Variants in TPD52 observed in about 807,000 individuals in gnomAD.
The protein encoded by TPD52 is prostate and colon associated protein.
In TPD52, 17 loss-of-function variants were observed where a neutral mutation model predicts 31.3. That is an observed-to-expected ratio of 0.54 (90% CI 0.37 to 0.82). TPD52 has a LOEUF of 0.82. Ranked by LOEUF, TPD52 falls within the 40% of genes least tolerant of loss-of-function variation. The pLI, the probability that TPD52 is intolerant of heterozygous loss-of-function variation, is 0.00. For synonymous variants in TPD52, 83 were observed against 89.6 expected, an observed-to-expected ratio of 0.93 and a Z score of 0.42; for missense variants, 212 against 240.1, an observed-to-expected ratio of 0.88 and a Z score of 0.77.
chr8:80,079,336 T>A (rs986792658), intron 1 of TPD52, among the ~76,000 whole-genome samples: 6 of 152,162 alleles, frequency 3.9e-5, no homozygotes, highest in Admixed American at 3.9e-4. Context: ...TTCTCTGTTA[T>A]ATTCAACATT....
chr8:80,168,562 A>C (rs993243468), intron 1 of TPD52, among the ~76,000 whole-genome samples: 3 of 152,234 alleles, frequency 2.0e-5, no homozygotes, highest in African/African-American at 7.2e-5. Flanking sequence ...ACCTTATTTC[A>C]GCCAACACAG....
At chr8:80,044,250 T>G in intron 5 of TPD52, 42 bp from the exon 6 acceptor site, 1 of 1,463,142 alleles carries the variant, frequency 6.8e-7, no homozygotes, top group African/African-American at 1.5e-5. Context: ...AAGGTTAGTA[T>G]AGTGGTGCTT....
intron 1 of TPD52, among the ~76,000 whole-genome samples, chr8:80,125,033 TC>T (rs1383390929): frequency 2.0e-5 from 3 of 152,212 alleles, no homozygotes; most frequent in African/African-American, 4.8e-5. Context: ...TTTTAAAGCT[TC>T]CCTGATGATT....
chr8:80,052,823 G>A (rs763024069), intron 3 of TPD52: 37 of 283,716 alleles, frequency 1.3e-4, no homozygotes, highest in Admixed American at 2.7e-4. Flanking sequence ...ACACAACAAG[G>A]TTAAAAAAAT....
chr8:80,033,723 A>C (rs1311778151), downstream of TPD52, among the ~76,000 whole-genome samples: 3 of 152,110 alleles, frequency 2.0e-5, no homozygotes, highest in African/African-American at 7.2e-5. Flanking sequence ...AGCGTTATTG[A>C]ATGACAGAAC....
intron 1 of TPD52, among the ~76,000 whole-genome samples, chr8:80,121,449 G>A (rs1808251591): frequency 6.6e-6 from 1 of 152,146 alleles, no homozygotes. Context: ...TTTATAACGA[G>A]CTCTCAGAGA....
At chr8:80,146,845 C>A (rs1810231010) in intron 1 of TPD52, among the ~76,000 whole-genome samples, 1 of 152,208 alleles carries the variant, frequency 6.6e-6, no homozygotes, top group Non-Finnish European at 1.5e-5. Flanking sequence ...GAAACACAAG[C>A]ATGACAGCAT....
chr8:80,088,075 T>A (rs1234059678), intron 1 of TPD52, among the ~76,000 whole-genome samples: 4 of 152,180 alleles, frequency 2.6e-5, no homozygotes, highest in African/African-American at 9.7e-5. Flanking sequence ...TCTTTGGGCA[T>A]AGAGCTAGCA....
rs1586114277 is a variant in TPD52 at position 80,035,671 on chromosome 8, T to G, written c.*2445A>C. ...TTGAGCTCTACTCTCTTCCACTGAC[T>G]ACTTGGCTCTCATAAGCATAAGAAT... On this transcript the variant is annotated 3_prime_UTR_variant, in exon 8 of 8. Transcript: ENST00000518937. The G allele has an allele frequency of 2.0e-5, 3 of 152,240 alleles. No homozygotes were observed. The highest frequency in any genetic ancestry group is 2.0e-4 in the Admixed American group (3 of 15,288). The allele number at this position is 152,240 out of a possible 1,614,324, so 9.4% of individuals were successfully genotyped here.
intron 5 of TPD52, among the ~76,000 whole-genome samples, chr8:80,045,919 C>T (rs1277071835): frequency 6.6e-6 from 1 of 152,090 alleles, no homozygotes; most frequent in African/African-American, 2.4e-5. Context: ...AAGGTAATGG[C>T]CAAATATGTG....
intron 1 of TPD52, among the ~76,000 whole-genome samples, chr8:80,143,965 A>G (rs1369730591): frequency 6.6e-6 from 1 of 152,084 alleles, no homozygotes; most frequent in African/African-American, 2.4e-5. Flanking sequence ...TTGTTTGTTG[A>G]TGAATCTGTA....
chr8:80,133,913 C>T (rs1809205562), intron 1 of TPD52, among the ~76,000 whole-genome samples: 1 of 152,034 alleles, frequency 6.6e-6, no homozygotes, highest in Non-Finnish European at 1.5e-5. Context: ...TATATTGTAG[C>T]AAGTCAGAAT....
intron 1 of TPD52, among the ~76,000 whole-genome samples, chr8:80,123,504 T>C (rs951422848): frequency 2.0e-5 from 3 of 152,170 alleles, no homozygotes; most frequent in Non-Finnish European, 4.4e-5. Context: ...GGCAGAAGGA[T>C]TGCTTGAGCC....
chr8:80,166,884 T>C (rs1452456643), intron 1 of TPD52, among the ~76,000 whole-genome samples: 2 of 152,198 alleles, frequency 1.3e-5, no homozygotes, highest in Non-Finnish European at 1.5e-5. Flanking sequence ...CCACCCTGGG[T>C]GGCAGAGCGA....
intron 1 of TPD52, chr8:80,066,929 C>T (rs1217711733): frequency 6.6e-6 from 1 of 152,176 alleles, no homozygotes; most frequent in Non-Finnish European, 1.5e-5. Flanking sequence ...ATGTTTTGTA[C>T]AGAACTCCCA....
intron 1 of TPD52, among the ~76,000 whole-genome samples, chr8:80,108,849 C>G (rs1269327660): frequency 6.6e-6 from 1 of 152,174 alleles, no homozygotes; most frequent in South Asian, 2.1e-4. Flanking sequence ...CTGCTTGCAG[C>G]AATTTGGAAA....
At chr8:80,094,471 T>C (rs1404054800) in intron 1 of TPD52, among the ~76,000 whole-genome samples, 2 of 104,274 alleles carry the variant, frequency 1.9e-5, no homozygotes, top group African/African-American at 3.5e-5. Context: ...TATATATATA[T>C]ATATATATAT....
rs570010211 is a variant in TPD52, at chr8:80,135,336, C to T, written c.19+36089G>A. 2.0e-5 allele frequency among the ~76,000 whole-genome samples: 3 copies of T among 152,148 alleles called. No homozygotes were observed. In the South Asian group the frequency reaches 6.2e-4, roughly 32 times the overall value. On this transcript the variant is annotated intron_variant, in intron 1 of 7. Coordinates refer to ENST00000518937, the MANE Select transcript of TPD52 (RefSeq NM_001025253.3). Reference sequence around the variant, plus strand: ...AGTTTCATTTTCACCTCCCACTTCCCAAGACAACTGGCTCACTTCCCCAGC... The same window carrying T: ...AGTTTCATTTTCACCTCCCACTTCCTAAGACAACTGGCTCACTTCCCCAGC...
At chr8:80,049,385 C>T (rs182084752) in intron 5 of TPD52, among the ~76,000 whole-genome samples, 33 of 152,228 alleles carry the variant, frequency 2.2e-4, no homozygotes, top group Non-Finnish European at 3.2e-4. Flanking sequence ...TGAATGCCAA[C>T]GATACACAAT....
Sources: gnomAD v4.1 joint callset for allele counts (sites outside exome capture counted in the v4.1 genomes callset) on GRCh38, gnomAD v4.1.1 for gene constraint, MANE v1.5 for transcripts, NCBI Gene and HGNC (gene_info 2026-07-23, HGNC 2026-07-21) for gene names.